Variants in LHPP observed in about 807,000 individuals in gnomAD.
LHPP encodes phospholysine phosphohistidine inorganic pyrophosphate phosphatase.
LHPP carries 24 observed loss-of-function variants against 30.3 expected under a neutral mutation model. The observed-to-expected ratio is 0.79, with a 90% CI of 0.57 to 1.11. The LOEUF is 1.11. Ranked by LOEUF, LHPP falls within the 50% of genes most tolerant of loss-of-function variation. The pLI is 0.00. For missense variants in LHPP, 356 were observed against 367.2 expected, an observed-to-expected ratio of 0.97 and a Z score of 0.25; for synonymous variants, 150 against 157.1, an observed-to-expected ratio of 0.95 and a Z score of 0.34.
intron 1 of LHPP, among the ~76,000 whole-genome samples, chr10:124,468,438 G>A (rs1952624494): frequency 6.6e-6 from 1 of 152,152 alleles, no homozygotes; most frequent in South Asian, 2.1e-4. Context: ...TTGGTGAGGG[G>A]ACATCACACC....
intron 6 of LHPP, among the ~76,000 whole-genome samples, chr10:124,564,087 C>T (rs1948448289): frequency 6.6e-6 from 1 of 151,294 alleles, no homozygotes; most frequent in African/African-American, 2.4e-5. Flanking sequence ...GCTGGACCTA[C>T]AGGTGCACAT....
intron 3 of LHPP, 45 bp downstream of exon 3, chr10:124,488,620 T>C (rs749288730): frequency 9.7e-6 from 15 of 1,553,088 alleles, no homozygotes; most frequent in Non-Finnish European, 1.2e-5. Context: ...CTTTAGATGA[T>C]GCTGTGCCAG....
chr10:124,496,852 T>A lies in LHPP; in HGVS notation c.468-109T>A. ...GCCTGGACTGCCCCTCAGCCGCGGC[T>A]TGGCTCTGCAGCCAGCGGGACAGGC... On this transcript the variant is annotated intron_variant, in intron 3 of 6. Coordinates refer to ENST00000368842, the MANE Select transcript of LHPP (RefSeq NM_022126.4). This position sits in a 1 kb window ranked among gnomAD's most constrained non-coding sequence, Gnocchi z 4.3. 1.0e-6 allele frequency: 1 copy of A among 958,974 alleles called. No individual in the cohort carries two copies. The highest frequency in any genetic ancestry group is 3.1e-4 in the Middle Eastern group (1 of 3,242). The allele number at this position is 958,974 out of a possible 1,614,324, so 59.4% of individuals were successfully genotyped here. A position where few individuals can be genotyped will look rare whatever the true frequency, so the allele number is the denominator to read the frequency against.
chr10:124,492,388 T>C (rs1053708181), intron 3 of LHPP, among the ~76,000 whole-genome samples: 17 of 152,094 alleles, frequency 1.1e-4, no homozygotes, highest in Admixed American at 9.2e-4. Flanking sequence ...TGTAGAGAGA[T>C]TGTGGAGGCT....
chr10:124,534,386 C>T (rs544911003), intron 6 of LHPP, among the ~76,000 whole-genome samples: 1 of 152,326 alleles, frequency 6.6e-6, no homozygotes, highest in East Asian at 1.9e-4. Flanking sequence ...AGAGAGCCAA[C>T]GGCAGGAAGA....
intron 1 of LHPP, among the ~76,000 whole-genome samples, chr10:124,471,368 T>C (rs1952726877): frequency 7.3e-6 from 1 of 136,718 alleles, no homozygotes; most frequent in South Asian, 2.2e-4. Flanking sequence ...CCAAATGAAA[T>C]TTTGAGTAGA....
rs140971902 is a variant in LHPP at position 124,552,897 on chromosome 10, T to C, written c.716+35626T>C. The stretch of plus-strand genomic sequence containing the variant: ...TATGCTGTTAAGGTAATTACACTTA[T>C]AAACCTAATATAATCCATAGATCAA... On this transcript the variant is annotated intron_variant, in intron 6 of 6. Coordinates refer to ENST00000368842, the MANE Select transcript of LHPP (RefSeq NM_022126.4). Among the ~76,000 whole-genome samples the C allele has an allele frequency of 4.8e-3, 732 of 152,376 alleles. 9 individuals carry two copies. The highest frequency in any genetic ancestry group is 5.4e-3 in the Non-Finnish European group (364 of 68,036).
chr10:124,461,888 C>T lies in LHPP; in HGVS notation c.26C>T (p.Ala9Val). 5 of 1,257,472 alleles carry T rather than the reference C, an allele frequency of 4.0e-6. No homozygotes were observed. The Middle Eastern group carries it at 9.1e-4, about 229-fold the overall frequency. 77.9% of individuals were successfully genotyped at this position (1,257,472 alleles called of 1,614,324 possible). A position where few individuals can be genotyped will look rare whatever the true frequency, so the allele number is the denominator to read the frequency against. Residue 9 changes from alanine to valine, a missense_variant, in exon 1 of 7, where the codon GCT (alanine) becomes GTT (valine). Physicochemically the swap from Ala to Val is moderately conservative, Grantham distance 64. Coordinates refer to ENST00000368842, the MANE Select transcript of LHPP (RefSeq NM_022126.4). MAPWGKRL[A>V]GVRGVLLDIS... ...ATGGCACCGTGGGGCAAGCGGCTGG[C>T]TGGCGTGCGCGGGGTGCTGCTTGAC...
At chr10:124,564,869 A>T (rs1202125622) in intron 6 of LHPP, among the ~76,000 whole-genome samples, 1 of 152,256 alleles carries the variant, frequency 6.6e-6, no homozygotes, top group Non-Finnish European at 1.5e-5. Context: ...AATGATCTGG[A>T]TGAGATTGGA....
chr10:124,586,998 G>GA (rs1156264823), intron 6 of LHPP, among the ~76,000 whole-genome samples: 1 of 150,822 alleles, frequency 6.6e-6, no homozygotes, highest in African/African-American at 2.4e-5. Context: ...TGGTGTGGGG[G>GA]AAGCCCTAAT....
intron 1 of LHPP, among the ~76,000 whole-genome samples, chr10:124,483,438 A>G (rs1315098610): frequency 6.6e-6 from 1 of 152,124 alleles, no homozygotes; most frequent in Middle Eastern, 3.2e-3. Context: ...AGGATTGTGG[A>G]GAGGAGGTAT....
chr10:124,474,301 G>A (rs1952877444), intron 1 of LHPP, among the ~76,000 whole-genome samples: 1 of 151,688 alleles, frequency 6.6e-6, no homozygotes, highest in African/African-American at 2.4e-5. Flanking sequence ...CACTGCACCT[G>A]GCCAATTTTT....
intron 6 of LHPP, among the ~76,000 whole-genome samples, chr10:124,568,426 A>T (rs897517221): frequency 6.6e-6 from 1 of 152,022 alleles, no homozygotes; most frequent in Non-Finnish European, 1.5e-5. Flanking sequence ...CCCCCGGGAC[A>T]GTTTTGTTCG....
chr10:124,583,891 T>C (rs769745462), intron 6 of LHPP, among the ~76,000 whole-genome samples: 1 of 152,216 alleles, frequency 6.6e-6, no homozygotes, highest in African/African-American at 2.4e-5. Context: ...TTCTATTGCA[T>C]TGATCACTGA....
At chr10:124,472,148 A>G (rs1323605630) in intron 1 of LHPP, among the ~76,000 whole-genome samples, 1 of 151,036 alleles carries the variant, frequency 6.6e-6, no homozygotes, top group Non-Finnish European at 1.5e-5. Context: ...CCCCGTCTTT[A>G]CTAAATATAC....
chr10:124,499,414 C>A (rs1953837385), intron 5 of LHPP, among the ~76,000 whole-genome samples: 1 of 151,722 alleles, frequency 6.6e-6, no homozygotes, highest in African/African-American at 2.4e-5. Flanking sequence ...GAGGCTGAGG[C>A]AGGTGGATCA....
intron 5 of LHPP, chr10:124,498,679 TTTTGA>T: frequency 2.0e-6 from 1 of 506,558 alleles, no homozygotes. Flanking sequence ...TTTTTTTTTT[TTTTGA>T]GCCAATGTCT....
intron 6 of LHPP, among the ~76,000 whole-genome samples, chr10:124,538,994 A>G: frequency 6.6e-6 from 1 of 152,192 alleles, no homozygotes; most frequent in East Asian, 1.9e-4. Context: ...GTTGAGCCTC[A>G]AGGGATCAGA....
intron 5 of LHPP, among the ~76,000 whole-genome samples, chr10:124,504,044 T>C (rs1411023669): frequency 6.6e-6 from 1 of 151,832 alleles, no homozygotes; most frequent in Non-Finnish European, 1.5e-5. Context: ...ATACAAAAAT[T>C]AGCCGGGCCT....
Sources: gnomAD v4.1 joint callset for allele counts (sites outside exome capture counted in the v4.1 genomes callset) on GRCh38, gnomAD v4.1.1 for gene constraint, Gnocchi (gnomAD v3.1) non-coding constraint, MANE v1.5 for transcripts, NCBI Gene and HGNC (gene_info 2026-07-23, HGNC 2026-07-21) for gene names.